FAM13A: variants seen among roughly 807,000 people sequenced by gnomAD.
FAM13A encodes protein FAM13A.
Under a neutral mutation model 129.6 loss-of-function variants are expected in FAM13A, and 76 were observed. The ratio of observed to expected loss-of-function variants is 0.59; its 90% CI spans 0.49 to 0.71. The LOEUF (loss-of-function observed/expected upper bound fraction) is 0.71. Among genes scored for constraint, FAM13A ranks in the 30% least tolerant of loss-of-function variants. FAM13A has a pLI of 0.00. For missense variants in FAM13A, 1,108 were observed against 1,249.3 expected, an observed-to-expected ratio of 0.89 and a Z score of 1.70; for synonymous variants, 443 against 449.9, an observed-to-expected ratio of 0.98 and a Z score of 0.20.
intron 1 of FAM13A, among the ~76,000 whole-genome samples, chr4:89,043,581 G>C (rs1770447178): frequency 6.6e-6 from 1 of 151,992 alleles, no homozygotes; most frequent in Non-Finnish European, 1.5e-5. Context: ...CATTTATATA[G>C]AAACAGTATT....
intron 4 of FAM13A, among the ~76,000 whole-genome samples, chr4:88,969,226 A>C (rs1451428359): frequency 6.6e-6 from 1 of 152,210 alleles, no homozygotes; most frequent in African/African-American, 2.4e-5. Flanking sequence ...GAAAAAGATA[A>C]GACTCCAGGA....
At chr4:88,821,245 CAG>C (rs777582516) in intron 7 of FAM13A, among the ~76,000 whole-genome samples, 4 of 152,166 alleles carry the variant, frequency 2.6e-5, no homozygotes, top group Non-Finnish European at 5.9e-5. Context: ...TACAGGCTGG[CAG>C]TAAAGATTGC....
At chr4:88,992,880 A>G (rs190473614) in intron 3 of FAM13A, among the ~76,000 whole-genome samples, 6 of 152,156 alleles carry the variant, frequency 3.9e-5, no homozygotes, top group African/African-American at 1.2e-4. Flanking sequence ...ATAATTAATA[A>G]GCAGTTGTAC....
At chr4:88,903,155 T>C (rs765484306) in intron 6 of FAM13A, among the ~76,000 whole-genome samples, 4 of 152,204 alleles carry the variant, frequency 2.6e-5, no homozygotes, top group Non-Finnish European at 4.4e-5. Flanking sequence ...GAAGAATCAG[T>C]ATTATGAAAA....
intron 4 of FAM13A, among the ~76,000 whole-genome samples, chr4:88,988,228 C>T (rs1024918611): frequency 6.6e-6 from 1 of 152,106 alleles, no homozygotes; most frequent in Non-Finnish European, 1.5e-5. Context: ...GTGGGCACCC[C>T]TGCACATGGG....
chr4:88,761,190 A>G (rs1560920623), intron 13 of FAM13A, among the ~76,000 whole-genome samples: 1 of 152,164 alleles, frequency 6.6e-6, no homozygotes, highest in Non-Finnish European at 1.5e-5. Context: ...AATTTTGCAA[A>G]GTTCTTTTGA....
chr4:89,043,679 C>G (rs979930299), intron 1 of FAM13A, among the ~76,000 whole-genome samples: 2 of 151,996 alleles, frequency 1.3e-5, no homozygotes, highest in Non-Finnish European at 2.9e-5. Flanking sequence ...TATAAACTAA[C>G]AAAAAGAACA....
intron 3 of FAM13A, among the ~76,000 whole-genome samples, chr4:89,010,239 C>G (rs1330658676): frequency 6.6e-6 from 1 of 152,222 alleles, no homozygotes; most frequent in African/African-American, 2.4e-5. Flanking sequence ...TTTAACCTCT[C>G]TACTTTGAAC....
intron 4 of FAM13A, among the ~76,000 whole-genome samples, chr4:88,955,140 TATA>T (rs1757540550): frequency 1.3e-5 from 2 of 152,140 alleles, no homozygotes; most frequent in Non-Finnish European, 2.9e-5. Flanking sequence ...CTAACCATAT[TATA>T]GTTAGAATGT....
intron 3 of FAM13A, among the ~76,000 whole-genome samples, chr4:89,004,907 AT>A (rs202140744): frequency 0.022 from 3,293 of 150,716 alleles, 103 homozygotes; most frequent in African/African-American, 0.072. Context: ...CTTTCTAGAA[AT>A]TTTTTTTTTA....
intron 3 of FAM13A, among the ~76,000 whole-genome samples, chr4:89,012,966 C>T (rs920939014): frequency 6.6e-6 from 1 of 152,036 alleles, no homozygotes; most frequent in Non-Finnish European, 1.5e-5. Flanking sequence ...AGGGTAGTCA[C>T]CCCTGAGGAA....
chr4:88,896,925 C>T (rs1746446337), intron 6 of FAM13A, among the ~76,000 whole-genome samples: 1 of 152,070 alleles, frequency 6.6e-6, no homozygotes, highest in Admixed American at 6.6e-5. Flanking sequence ...GATATTTATC[C>T]TCATACAATG....
chr4:88,768,265 T>A (rs1746087394), intron 11 of FAM13A: 1 of 408,676 alleles, frequency 2.4e-6, no homozygotes, highest in Non-Finnish European at 4.4e-6. Context: ...ACTTCTAACA[T>A]CCTTTTAACA....
chr4:88,987,670 G>A (rs1446797436), intron 4 of FAM13A, among the ~76,000 whole-genome samples: 2 of 151,440 alleles, frequency 1.3e-5, no homozygotes, highest in African/African-American at 2.4e-5. Flanking sequence ...GTGAAACCCC[G>A]CCTCTACTAA....
In FAM13A at chr4:88,912,766, C is replaced by A. The variant is rs184603930; in HGVS notation, c.760-6304G>T. 1.3e-3 allele frequency among the ~76,000 whole-genome samples: 201 copies of A among 152,184 alleles called. 2 individuals are homozygous for A. Among genetic ancestry groups the A allele is most frequent in the African/African-American group, 4.3e-3 (179 of 41,518 alleles). On this transcript the variant is annotated intron_variant, in intron 5 of 23. Transcript: ENST00000264344. ...ATTGGTTTATTTTCTGAATCCTCTA[C>A]TAAAGAGAAGTCTAAGCCTGGGCAA...
intron 6 of FAM13A, among the ~76,000 whole-genome samples, chr4:88,900,122 C>T (rs1368293369): frequency 2.0e-5 from 3 of 151,972 alleles, no homozygotes; most frequent in Non-Finnish European, 4.4e-5. Context: ...CTCTGAGATG[C>T]ATGGGATTAT....
intron 19 of FAM13A, among the ~76,000 whole-genome samples, chr4:88,740,269 CG>C (rs1739955328): frequency 6.6e-6 from 1 of 152,186 alleles, no homozygotes; most frequent in Non-Finnish European, 1.5e-5. Flanking sequence ...CACCCTGCCC[CG>C]TGCATACCCT....
intron 6 of FAM13A, 135 bp from the exon 7 acceptor site, chr4:88,851,318 C>A: frequency 1.4e-6 from 1 of 699,284 alleles, no homozygotes; most frequent in Non-Finnish European, 2.3e-6. Context: ...AAATATCAAG[C>A]TAAAAATTAA....
chr4:88,784,038 A>G (rs899570130), intron 10 of FAM13A, among the ~76,000 whole-genome samples: 6 of 152,182 alleles, frequency 3.9e-5, no homozygotes, highest in African/African-American at 1.4e-4. Context: ...TAAAAATAAG[A>G]AAGTAAAGTT....
Sources: allele counts gnomAD v4.1 joint callset (sites outside exome capture counted in the v4.1 genomes callset), GRCh38; gene constraint gnomAD v4.1.1; transcripts MANE v1.5; gene names NCBI Gene and HGNC (gene_info 2026-07-23, HGNC 2026-07-21).